The following NEGR1 variants were observed in gnomAD, a reference collection of about 807,000 sequenced individuals.
The protein encoded by NEGR1 is IgLON family member 4.
NEGR1 carries 10 observed loss-of-function variants against 40.9 expected under a neutral mutation model. The observed-to-expected ratio is 0.24, with a 90% CI of 0.15 to 0.42. The LOEUF (loss-of-function observed/expected upper bound fraction) is 0.42. NEGR1 is among the 10% of genes least tolerant of loss of function. The pLI is 1.00. For missense variants in NEGR1, 352 were observed against 438.9 expected, an observed-to-expected ratio of 0.80 and a Z score of 1.77; for synonymous variants, 185 against 166.8, an observed-to-expected ratio of 1.11 and a Z score of -0.84.
At chr1:71,802,967 T>C (rs1254575567) in intron 2 of NEGR1, among the ~76,000 whole-genome samples, 1 of 152,168 alleles carries the variant, frequency 6.6e-6, no homozygotes, top group Non-Finnish European at 1.5e-5. Context: ...AGACTTTTGG[T>C]GCTCTTAGCA....
At chr1:72,144,870 C>A (rs1650848922) in intron 1 of NEGR1, among the ~76,000 whole-genome samples, 1 of 152,066 alleles carries the variant, frequency 6.6e-6, no homozygotes, top group East Asian at 1.9e-4. Flanking sequence ...CAATATCTCT[C>A]CCTTTAGAAA....
At chr1:72,181,877 T>C (rs1652384460) in intron 1 of NEGR1, among the ~76,000 whole-genome samples, 1 of 151,836 alleles carries the variant, frequency 6.6e-6, no homozygotes, top group South Asian at 2.1e-4. Context: ...TTACCAGAGG[T>C]TGGGAGAAGG....
At chr1:71,850,074 C>G (rs372939608) in intron 2 of NEGR1, among the ~76,000 whole-genome samples, 3 of 149,510 alleles carry the variant, frequency 2.0e-5, no homozygotes, top group Non-Finnish European at 4.4e-5. Flanking sequence ...TTGACATATC[C>G]ATTACTTACA....
At chr1:71,660,214 C>A (rs1370626316) in intron 4 of NEGR1, among the ~76,000 whole-genome samples, 1 of 152,122 alleles carries the variant, frequency 6.6e-6, no homozygotes, top group South Asian at 2.1e-4. Flanking sequence ...CCTTAGCAAA[C>A]TAATGCAGGA....
chr1:71,994,587 ATATCT>A (rs1646487066), intron 1 of NEGR1, among the ~76,000 whole-genome samples: 1 of 151,920 alleles, frequency 6.6e-6, no homozygotes, highest in Non-Finnish European at 1.5e-5. Context: ...TAAATCCCAA[ATATCT>A]TATATATTAA....
intron 4 of NEGR1, among the ~76,000 whole-genome samples, chr1:71,633,394 G>T (rs1651040769): frequency 6.6e-6 from 1 of 152,052 alleles, no homozygotes; most frequent in South Asian, 2.1e-4. Flanking sequence ...TGTATTGTTG[G>T]TAATTTTTCT....
At chr1:72,259,979 A>G (rs1655402976) in intron 1 of NEGR1, among the ~76,000 whole-genome samples, 1 of 152,076 alleles carries the variant, frequency 6.6e-6, no homozygotes, top group South Asian at 2.1e-4. Flanking sequence ...AGTGATTTCT[A>G]AAATAATCAG....
chr1:71,590,336 G>C (rs1159867408), intron 6 of NEGR1, among the ~76,000 whole-genome samples: 1 of 152,094 alleles, frequency 6.6e-6, no homozygotes, highest in Non-Finnish European at 1.5e-5. Context: ...CTAGATAAAA[G>C]TTCTTTCATG....
intron 1 of NEGR1, among the ~76,000 whole-genome samples, chr1:72,209,498 A>G (rs116330332): frequency 2.1e-3 from 318 of 151,860 alleles, no homozygotes; most frequent in African/African-American, 7.3e-3. Context: ...ACCTTAAACA[A>G]GAAAAAAAAT....
At chr1:72,045,824 GA>G (rs869051239) in intron 1 of NEGR1, among the ~76,000 whole-genome samples, 1 of 139,610 alleles carries the variant, frequency 7.2e-6, no homozygotes, top group Non-Finnish European at 1.6e-5. Flanking sequence ...GGAAAAATTA[GA>G]AAAAAATATG....
intron 1 of NEGR1, among the ~76,000 whole-genome samples, chr1:72,184,867 T>C (rs865809852): frequency 6.6e-6 from 1 of 152,028 alleles, no homozygotes; most frequent in Non-Finnish European, 1.5e-5. Flanking sequence ...GCTTACCTTA[T>C]AGGGTTATTC....
chr1:72,146,062 G>C (rs1306925547), intron 1 of NEGR1, among the ~76,000 whole-genome samples: 1 of 152,126 alleles, frequency 6.6e-6, no homozygotes, highest in South Asian at 2.1e-4. Context: ...GTGGGGCAGG[G>C]GGAGTGAGAT....
chr1:72,194,393 T>A (rs1448974597), intron 1 of NEGR1, among the ~76,000 whole-genome samples: 1 of 152,042 alleles, frequency 6.6e-6, no homozygotes, highest in East Asian at 1.9e-4. Context: ...AAACTTTGAG[T>A]CTCAAAAGTA....
chr1:72,206,144 T>C (rs992467647), intron 1 of NEGR1, among the ~76,000 whole-genome samples: 3 of 151,802 alleles, frequency 2.0e-5, no homozygotes, highest in Non-Finnish European at 4.4e-5. Context: ...TGGTTAAATA[T>C]GATGTGAGTA....
chr1:71,587,851 T>C (rs1256854458), intron 6 of NEGR1, among the ~76,000 whole-genome samples: 2 of 152,140 alleles, frequency 1.3e-5, no homozygotes, highest in African/African-American at 4.8e-5. Context: ...TCTTCATCAA[T>C]AGTGAGACTC....
intron 3 of NEGR1, among the ~76,000 whole-genome samples, chr1:71,747,369 G>T (rs1655420865): frequency 6.6e-6 from 1 of 151,140 alleles, no homozygotes; most frequent in South Asian, 2.1e-4. Context: ...AATAAATGTA[G>T]AAATCACTTA....
rs1163093350 is a variant in NEGR1, at chr1:72,186,322, C to T, written c.176+95997G>A. ...TACTCTGTTCATAATTTCTTAATAT[C>T]CATAGTCTACTTCCCACTCATTCTG... On this transcript the variant is annotated intron_variant, in intron 1 of 6. Coordinates refer to ENST00000357731, the MANE Select transcript of NEGR1 (RefSeq NM_173808.3). Among the ~76,000 whole-genome samples the T allele has an allele frequency of 1.3e-5, 2 of 151,652 alleles. 1 individual carries two copies. The highest frequency in any genetic ancestry group is 3.0e-5 in the Non-Finnish European group (2 of 67,708).
chr1:71,657,483 A>G (rs1557602313), intron 4 of NEGR1, among the ~76,000 whole-genome samples: 1 of 152,236 alleles, frequency 6.6e-6, no homozygotes, highest in Non-Finnish European at 1.5e-5. Context: ...TTTGGTTACT[A>G]TATTTAGAAA....
At chr1:71,719,788 C>A (rs756260628) in intron 3 of NEGR1, among the ~76,000 whole-genome samples, 46 of 152,176 alleles carry the variant, frequency 3.0e-4, no homozygotes, top group Non-Finnish European at 6.3e-4. Flanking sequence ...GCCCCCACCC[C>A]CTGGCAGGCC....
Sources: allele counts gnomAD v4.1 joint callset (sites outside exome capture counted in the v4.1 genomes callset), GRCh38; gene constraint gnomAD v4.1.1; transcripts MANE v1.5; gene names NCBI Gene and HGNC (gene_info 2026-07-23, HGNC 2026-07-21).